Variants in ZNF100 observed in about 807,000 individuals in gnomAD.
ZNF100 encodes the protein zinc finger protein 100 (Y1).
ZNF100 carries 12 observed loss-of-function variants against 15.8 expected under a neutral mutation model. The ratio of observed to expected loss-of-function variants is 0.76; its 90% confidence interval spans 0.49 to 1.23. The LOEUF is 1.23. Ranked by LOEUF, ZNF100 falls within the 50% of genes most tolerant of loss-of-function variation. ZNF100 has a pLI of 0.00. For synonymous variants in ZNF100, 226 were observed against 214.8 expected (o/e 1.05, Z -0.45); for missense variants, 670 against 635.6 (o/e 1.05, Z -0.58).
At chr19:21,745,412 G>A (rs936391210) in intron 2 of ZNF100, among the ~76,000 whole-genome samples, 1 of 152,038 alleles carries the variant, frequency 6.6e-6, no homozygotes, top group Non-Finnish European at 1.5e-5. Flanking sequence ...GAGATGTTGA[G>A]TTAGAAGGCA....
chr19:21,733,510 T>G (rs1374061709), intron 4 of ZNF100, among the ~76,000 whole-genome samples: 1 of 150,324 alleles, frequency 6.7e-6, no homozygotes, highest in Non-Finnish European at 1.5e-5. Flanking sequence ...ACAACAAAAT[T>G]AAAACAAACA....
At chr19:21,767,237 A>G (rs934057272) in intron 1 of ZNF100, among the ~76,000 whole-genome samples, 190 bp downstream of exon 1, 2 of 152,178 alleles carry the variant, frequency 1.3e-5, no homozygotes, top group Non-Finnish European at 2.9e-5. Flanking sequence ...CAGGGAAGAG[A>G]AAGGACGCCT....
In ZNF100 at chr19:21,740,346, G is replaced by A. The variant is rs540865896; in HGVS notation, c.322+3671C>T. On this transcript the variant is annotated intron_variant, in intron 4 of 4. Transcript: ENST00000358296. ...AAAATACTTACATAAAAAAACTAAC[G>A]AATCTCTTAGAACAAAATAGAAAAA... Among the ~76,000 whole-genome samples the A allele has an allele frequency of 1.3e-3, 198 of 152,118 alleles. 1 individual carries two copies. Among genetic ancestry groups the A allele is most frequent in the Non-Finnish European group, 2.2e-3 (151 of 67,986 alleles).
chr19:21,753,878 C>A (rs1322150280), intron 2 of ZNF100, among the ~76,000 whole-genome samples: 1 of 152,114 alleles, frequency 6.6e-6, no homozygotes, highest in African/African-American at 2.4e-5. Context: ...TACATGCTAC[C>A]AACCTGTAGG....
chr19:21,733,656 AGATGTAT>A (rs2035959312), intron 4 of ZNF100, among the ~76,000 whole-genome samples: 1 of 152,284 alleles, frequency 6.6e-6, no homozygotes, highest in African/African-American at 2.4e-5. Context: ...TGGGCAGTCC[AGATGTAT>A]GGAATTTCTC....
chr19:21,753,743 ATGCAT>A (rs1196745543), intron 2 of ZNF100, among the ~76,000 whole-genome samples: 5 of 152,210 alleles, frequency 3.3e-5, no homozygotes, highest in Admixed American at 6.5e-5. Context: ...TGTGCTCTAT[ATGCAT>A]TGATCACCGA....
At position 21,726,553 on chromosome 19, in the gene ZNF100, A is replaced by T; in HGVS notation, c.*130T>A. On this transcript the variant is annotated 3_prime_UTR_variant, in exon 5 of 5. Coordinates refer to ENST00000358296, the MANE Select transcript of ZNF100 (RefSeq NM_173531.4). ...ATTTCTCTCTAGTATGAATTATCTT[A>T]TGTCTGTTAGGAATTGAGAATTTAT... is the stretch of plus-strand genomic sequence containing the variant. 1 of 813,446 alleles carries T rather than the reference A, an allele frequency of 1.2e-6. No homozygotes were observed. The highest frequency in any genetic ancestry group is 1.9e-6 in the Non-Finnish European group (1 of 534,062). The allele number at this position is 813,446 out of a possible 1,614,324, so 50.4% of individuals were successfully genotyped here. A position where few individuals can be genotyped will look rare whatever the true frequency, so the allele number is the denominator to read the frequency against.
chr19:21,764,243 T>C (rs982535112), intron 2 of ZNF100, among the ~76,000 whole-genome samples: 2 of 152,198 alleles, frequency 1.3e-5, no homozygotes, highest in East Asian at 3.8e-4. Context: ...TTAAGAGTTA[T>C]TCACTTGGTT....
At chr19:21,752,439 AC>A (rs1282683193) in intron 2 of ZNF100, 3 of 152,618 alleles carry the variant, frequency 2.0e-5, no homozygotes, top group African/African-American at 7.2e-5. Flanking sequence ...CCCTACTGTT[AC>A]CATTAAAGCT....
chr19:21,754,693 C>G (rs1160280228), intron 2 of ZNF100, among the ~76,000 whole-genome samples: 2 of 152,020 alleles, frequency 1.3e-5, no homozygotes, highest in African/African-American at 4.8e-5. Context: ...CCATAAAAAC[C>G]CTAAATGAAA....
intron 2 of ZNF100, among the ~76,000 whole-genome samples, chr19:21,749,438 C>G (rs1325154614): frequency 1.3e-5 from 2 of 152,114 alleles, no homozygotes; most frequent in African/African-American, 2.4e-5. Flanking sequence ...CTTACTGACC[C>G]TGGGCTGATG....
chr19:21,765,952 C>T (rs1014160053), intron 1 of ZNF100, among the ~76,000 whole-genome samples, 166 bp from the exon 2 acceptor site: 1 of 152,050 alleles, frequency 6.6e-6, no homozygotes, highest in South Asian at 2.1e-4. Context: ...CAAATCAAAA[C>T]CTTGACCCAA....
intron 2 of ZNF100, among the ~76,000 whole-genome samples, chr19:21,749,128 G>A (rs1211370930): frequency 3.3e-5 from 5 of 152,108 alleles, no homozygotes; most frequent in Admixed American, 6.5e-5. Flanking sequence ...GGTAGGGACC[G>A]TGACTGCTTC....
At chr19:21,765,015 T>TA (rs1038398538) in intron 2 of ZNF100, among the ~76,000 whole-genome samples, 42 of 151,774 alleles carry the variant, frequency 2.8e-4, no homozygotes, top group Admixed American at 1.4e-3. Context: ...CACTCAGCCA[T>TA]AAAAAAAACA....
At chr19:21,728,646 C>T (rs539816588) in intron 4 of ZNF100, among the ~76,000 whole-genome samples, 3 of 151,934 alleles carry the variant, frequency 2.0e-5, no homozygotes, top group Admixed American at 6.6e-5. Flanking sequence ...CTAACCAAGA[C>T]GATTGTTCAG....
At position 21,726,030 on chromosome 19, in the gene ZNF100, G is replaced by A. The variant is rs539399484; in HGVS notation, c.*653C>T. 2.6e-5 allele frequency: 4 copies of A among 152,090 alleles called. No homozygotes were observed. The South Asian group carries it at 6.2e-4, about 24-fold the overall frequency. 9.4% of individuals were successfully genotyped at this position (152,090 alleles called of 1,614,324 possible). A position where few individuals can be genotyped will look rare whatever the true frequency, so the allele number is the denominator to read the frequency against. On this transcript the variant is annotated 3_prime_UTR_variant, in exon 5 of 5. Coordinates refer to ENST00000358296, the MANE Select transcript of ZNF100 (RefSeq NM_173531.4). ...TTTTCAATATAAATTCCCTGATATT[G>A]AACAAAGTTTGAGCAACTGCTTCAG...
chr19:21,756,927 T>G (rs968603962), intron 2 of ZNF100, among the ~76,000 whole-genome samples: 5 of 152,046 alleles, frequency 3.3e-5, no homozygotes, highest in African/African-American at 1.2e-4. Flanking sequence ...AGGCCAGAAA[T>G]AATGCCACAC....
At chr19:21,744,881 C>T in intron 3 of ZNF100, 60 bp downstream of exon 3, 1 of 1,575,916 alleles carries the variant, frequency 6.3e-7, no homozygotes, top group Non-Finnish European at 8.6e-7. Flanking sequence ...AAAAATCATT[C>T]CACAAAAAAA....
intron 2 of ZNF100, chr19:21,751,174 C>T: frequency 7.5e-7 from 1 of 1,329,412 alleles, no homozygotes; most frequent in South Asian, 1.2e-5. Context: ...CTTAAATCAT[C>T]TATCTCCAGG....
Sources: gnomAD v4.1 joint callset for allele counts (sites outside exome capture counted in the v4.1 genomes callset) on GRCh38, gnomAD v4.1.1 for gene constraint, MANE v1.5 for transcripts, NCBI Gene and HGNC (gene_info 2026-07-23, HGNC 2026-07-21) for gene names.